Variants in RBFOX1 observed in about 807,000 individuals in gnomAD.
RBFOX1 encodes the protein RNA binding fox-1 homolog 1.
Under a neutral mutation model 57.7 loss-of-function variants are expected in RBFOX1, and 8 were observed. The ratio of observed to expected loss-of-function variants is 0.14; its 90% CI spans 0.08 to 0.25. The LOEUF (loss-of-function observed/expected upper bound fraction) is 0.25. Ranked by LOEUF, RBFOX1 falls within the 10% of genes least tolerant of loss-of-function variation. The pLI is 1.00. For synonymous variants in RBFOX1, 326 were observed against 222.4 expected, an observed-to-expected ratio of 1.47 and a Z score of -4.15; for missense variants, 611 against 548.5, an observed-to-expected ratio of 1.11 and a Z score of -1.14.
intron 3 of RBFOX1, among the ~76,000 whole-genome samples, chr16:6,722,583 G>A (rs1468506161): frequency 1.3e-5 from 2 of 152,146 alleles, no homozygotes; most frequent in Non-Finnish European, 2.9e-5. Flanking sequence ...AGAACCTACA[G>A]ACTTCTTTAG....
At chr16:6,599,981 ATGT>A (rs1387774498) in intron 2 of RBFOX1, among the ~76,000 whole-genome samples, 5 of 152,160 alleles carry the variant, frequency 3.3e-5, no homozygotes, top group African/African-American at 1.2e-4. Flanking sequence ...GGTATGCAAC[ATGT>A]TGTCCTATTG....
intron 4 of RBFOX1, among the ~76,000 whole-genome samples, chr16:7,074,050 A>G (rs2057860254): frequency 6.6e-6 from 1 of 152,160 alleles, no homozygotes; most frequent in African/African-American, 2.4e-5. Flanking sequence ...TTGTAACAAG[A>G]AGGTTGGACA....
intron 2 of RBFOX1, among the ~76,000 whole-genome samples, chr16:6,650,938 C>T (rs539100461): frequency 1.3e-5 from 2 of 152,260 alleles, no homozygotes; most frequent in East Asian, 3.9e-4. Flanking sequence ...AGTCTCACTT[C>T]GTTGCCCAGG....
intron 1 of RBFOX1, among the ~76,000 whole-genome samples, chr16:6,301,798 A>C (rs527957985): frequency 6.6e-6 from 1 of 152,216 alleles, no homozygotes; most frequent in East Asian, 1.9e-4. Context: ...ATGAGGCTTT[A>C]CCTATTAAAA....
chr16:7,164,975 T>TGA (rs1485552529), intron 4 of RBFOX1, among the ~76,000 whole-genome samples: 5 of 152,156 alleles, frequency 3.3e-5, no homozygotes, highest in African/African-American at 1.2e-4. Context: ...CACAGTAACC[T>TGA]CTCCCTGAAT....
At chr16:6,438,669 A>C (rs547568374) in intron 2 of RBFOX1, among the ~76,000 whole-genome samples, 13 of 152,288 alleles carry the variant, frequency 8.5e-5, no homozygotes, top group African/African-American at 3.1e-4. Context: ...GTTTGGTCAC[A>C]GATGAGGAGG....
At chr16:6,805,790 T>A (rs2086624896) in intron 3 of RBFOX1, among the ~76,000 whole-genome samples, 1 of 152,222 alleles carries the variant, frequency 6.6e-6, no homozygotes, top group Non-Finnish European at 1.5e-5. Flanking sequence ...CCAAGCCATG[T>A]GGAGATTTTC....
At chr16:6,779,763 T>TTA (rs1169157385) in intron 3 of RBFOX1, among the ~76,000 whole-genome samples, 27 of 11,802 alleles carry the variant, frequency 2.3e-3, no homozygotes, top group Non-Finnish European at 4.2e-3. Flanking sequence ...TTTTATATAT[T>TTA]TATATATATA....
chr16:6,950,020 C>T lies in RBFOX1; in HGVS notation c.-15-102037C>T, dbSNP rs181221132. On this transcript the variant is annotated intron_variant, in intron 3 of 15. Coordinates refer to ENST00000550418, the MANE Select transcript of RBFOX1 (RefSeq NM_018723.4). The stretch of plus-strand genomic sequence containing the variant: ...GGAGTGCAGTGGTGTGTTCTCGGCT[C>T]GCTGCAACGTCTGCCTCCTGGGTTC... Among the ~76,000 whole-genome samples, 199 of 151,266 alleles carry T rather than the reference C, an allele frequency of 1.3e-3. 2 individuals are homozygous for T. Among genetic ancestry groups the T allele is most frequent in the African/African-American group, 4.7e-3 (192 of 41,084 alleles).
At chr16:5,854,508 G>A (rs1268814676) in intron 3 of RBFOX1, among the ~76,000 whole-genome samples, 2 of 151,866 alleles carry the variant, frequency 1.3e-5, no homozygotes, top group East Asian at 1.9e-4. Context: ...CAAATGGTAG[G>A]ATTTCCTTTA....
chr16:5,457,763 A>T (rs917972569), intron 1 of RBFOX1, among the ~76,000 whole-genome samples: 1 of 152,182 alleles, frequency 6.6e-6, no homozygotes, highest in Non-Finnish European at 1.5e-5. Flanking sequence ...GTGTGGACTC[A>T]CTTCCTGGTA....
intron 2 of RBFOX1, among the ~76,000 whole-genome samples, chr16:6,653,952 G>A (rs1417017290): frequency 1.4e-5 from 2 of 138,840 alleles, no homozygotes; most frequent in Non-Finnish European, 3.1e-5. Flanking sequence ...GAGGGTGGAT[G>A]AAGGATGGAT....
rs143569147 is a variant in RBFOX1 at position 6,703,481 on chromosome 16, A to G, written c.-16+48831A>G. Among the ~76,000 whole-genome samples the G allele has an allele frequency of 1.9e-3, 281 of 147,884 alleles. 2 individuals carry two copies. The highest frequency in any genetic ancestry group is 6.5e-3 in the African/African-American group (260 of 39,722). On this transcript the variant is annotated intron_variant, in intron 3 of 15. Transcript: ENST00000550418. ...AGTCCTAGATGCTGGGGAGGCTGAG[A>G]TGGGAGGATTGCTTGAGCTCAGCAG...
At chr16:5,580,108 C>T (rs1365665224) in intron 2 of RBFOX1, among the ~76,000 whole-genome samples, 1 of 152,180 alleles carries the variant, frequency 6.6e-6, no homozygotes, top group African/African-American at 2.4e-5. Flanking sequence ...TTACCTACAA[C>T]AGCTTGTAAG....
chr16:5,639,651 T>C (rs1209216261), intron 3 of RBFOX1, among the ~76,000 whole-genome samples: 2 of 152,156 alleles, frequency 1.3e-5, no homozygotes, highest in East Asian at 3.9e-4. Flanking sequence ...AGTGCTGCTG[T>C]CTCTCTCTTT....
chr16:6,175,928 G>C (rs1217210621), intron 1 of RBFOX1, among the ~76,000 whole-genome samples: 1 of 152,144 alleles, frequency 6.6e-6, no homozygotes, highest in Admixed American at 6.5e-5. Context: ...GGAGAATTCA[G>C]AAAGCTGCTG....
intron 1 of RBFOX1, among the ~76,000 whole-genome samples, chr16:5,254,505 A>G (rs1245359744): frequency 2.6e-5 from 4 of 152,156 alleles, no homozygotes; most frequent in East Asian, 1.9e-4. Flanking sequence ...AGTCTGTATC[A>G]TATTTATCTT....
chr16:5,893,109 G>A (rs960251110), intron 4 of RBFOX1, among the ~76,000 whole-genome samples: 2 of 152,172 alleles, frequency 1.3e-5, no homozygotes, highest in Non-Finnish European at 2.9e-5. Context: ...TGCAAGTTTG[G>A]CATTTTACCT....
At chr16:5,782,682 G>A (rs984867526) in intron 3 of RBFOX1, among the ~76,000 whole-genome samples, 5 of 152,318 alleles carry the variant, frequency 3.3e-5, no homozygotes, top group African/African-American at 4.8e-5. Context: ...ATGCATGTGC[G>A]TTCCTGTTAT....
Sources: gnomAD v4.1 joint callset for allele counts (sites outside exome capture counted in the v4.1 genomes callset) on GRCh38, gnomAD v4.1.1 for gene constraint, MANE v1.5 for transcripts, NCBI Gene and HGNC (gene_info 2026-07-23, HGNC 2026-07-21) for gene names.